The following TMEFF1 variants were observed in gnomAD, a reference collection of about 807,000 sequenced individuals.
TMEFF1 encodes transmembrane protein with EGF like and two follistatin like domains 1, also known as tomoregulin-1.
Under a neutral mutation model 47.5 loss-of-function variants are expected in TMEFF1, and 20 were observed. The observed-to-expected ratio is 0.42, with a 90% confidence interval of 0.30 to 0.61. The LOEUF (loss-of-function observed/expected upper bound fraction) is 0.61. Among genes scored for constraint, TMEFF1 ranks in the 20% least tolerant of loss-of-function variants. The probability of loss-of-function intolerance (pLI) is 0.19; values close to 1 mark genes in which losing one functional copy is unlikely to be tolerated. For missense variants in TMEFF1, 411 were observed against 471.1 expected, an observed-to-expected ratio of 0.87 and a Z score of 1.18; for synonymous variants, 162 against 166.3, an observed-to-expected ratio of 0.97 and a Z score of 0.20.
At chr9:100,493,168 G>A (rs1246737588) in intron 1 of TMEFF1, among the ~76,000 whole-genome samples, 2 of 151,962 alleles carry the variant, frequency 1.3e-5, no homozygotes, top group African/African-American at 2.4e-5. Flanking sequence ...AGTGGGCAGA[G>A]GCCAGGACTG....
At chr9:100,491,896 T>G (rs1451963821) in intron 1 of TMEFF1, among the ~76,000 whole-genome samples, 1 of 151,710 alleles carries the variant, frequency 6.6e-6, no homozygotes, top group African/African-American at 2.4e-5. Flanking sequence ...TTTTTTTTTT[T>G]TTGAGACAGA....
At chr9:100,520,547 A>G (rs990672361) in intron 5 of TMEFF1, among the ~76,000 whole-genome samples, 7 of 152,232 alleles carry the variant, frequency 4.6e-5, no homozygotes, top group Non-Finnish European at 8.8e-5. Flanking sequence ...TATTAAGAGA[A>G]GTGCTTTTTT....
chr9:100,541,375 CT>C (rs1220537806), intron 5 of TMEFF1, among the ~76,000 whole-genome samples: 115 of 97,622 alleles, frequency 1.2e-3, no homozygotes, highest in Admixed American at 1.4e-3. Flanking sequence ...TTCTTTCTTT[CT>C]TTTTTTTTTT....
chr9:100,563,398 A>G (rs1028343651), intron 8 of TMEFF1, among the ~76,000 whole-genome samples: 3 of 152,236 alleles, frequency 2.0e-5, no homozygotes, highest in Non-Finnish European at 4.4e-5. Context: ...AGAGAGGATC[A>G]TGTTCTGGTA....
intron 4 of TMEFF1, 58 bp downstream of exon 4, chr9:100,513,391 T>G: frequency 2.0e-6 from 3 of 1,528,736 alleles, no homozygotes; most frequent in South Asian, 1.3e-5. Context: ...TTCTTTCTTT[T>G]TCTTTTTTTT....
chr9:100,576,904 A>G lies in TMEFF1; in HGVS notation c.*304A>G, dbSNP rs1839363151. The G allele has an allele frequency of 9.6e-6, 2 of 208,806 alleles. No individual in the cohort carries two copies. The highest frequency in any genetic ancestry group is 1.9e-5 in the Non-Finnish European group (2 of 104,190). 12.9% of individuals were successfully genotyped at this position (208,806 alleles called of 1,614,324 possible). On this transcript the variant is annotated 3_prime_UTR_variant, in exon 10 of 10. Transcript: ENST00000374879. Reference sequence around the variant, plus strand: ...CTACTTCACAAATGGTTATAAAGTCATATCCACTTCTTCCACAATGACCAC... The same window carrying G: ...CTACTTCACAAATGGTTATAAAGTCGTATCCACTTCTTCCACAATGACCAC...
intron 1 of TMEFF1, among the ~76,000 whole-genome samples, chr9:100,481,327 C>T (rs1308497375): frequency 1.3e-5 from 2 of 152,120 alleles, no homozygotes; most frequent in African/African-American, 4.8e-5. Flanking sequence ...GTGTCTGGTA[C>T]GAAGTTAGGT....
chr9:100,487,291 G>A (rs1013754623), intron 1 of TMEFF1, among the ~76,000 whole-genome samples: 3 of 152,114 alleles, frequency 2.0e-5, no homozygotes, highest in Non-Finnish European at 2.9e-5. Flanking sequence ...AGCCACCTGA[G>A]TAGCTGGAAT....
rs55940754 is a variant in TMEFF1 at position 100,562,630 on chromosome 9, GTTTGTTTTGTTTTGT to G, written c.899+1140_899+1154del. 4.3e-3 allele frequency among the ~76,000 whole-genome samples: 612 copies of G among 142,450 alleles called. 3 individuals carry two copies. Among genetic ancestry groups the G allele is most frequent in the African/African-American group, 0.014 (524 of 38,162 alleles). The allele number at this position is 142,450 out of a possible 152,430, so 93.5% of individuals were successfully genotyped here. A position where few individuals can be genotyped will look rare whatever the true frequency, so the allele number is the denominator to read the frequency against. On this transcript the variant is annotated intron_variant, in intron 8 of 9. Transcript: ENST00000374879. ...GGTAACAGGCCAGGTTTTTTTTTTT[GTTTGTTTTGTTTTGT>G]TTTGTTTTGTTTTGTTTTGTTTTGT...
intron 8 of TMEFF1, among the ~76,000 whole-genome samples, chr9:100,565,017 T>C (rs1207109568): frequency 2.0e-5 from 3 of 152,060 alleles, no homozygotes; most frequent in East Asian, 3.9e-4. Flanking sequence ...GGGAAATGCA[T>C]TGGGAAGAGG....
chr9:100,504,928 G>A (rs1430394370), intron 2 of TMEFF1, among the ~76,000 whole-genome samples: 4 of 151,742 alleles, frequency 2.6e-5, no homozygotes, highest in South Asian at 2.1e-4. Context: ...AGAAATTCAC[G>A]GATAAATTAA....
intron 2 of TMEFF1, among the ~76,000 whole-genome samples, chr9:100,500,149 T>G (rs1173450030): frequency 6.6e-6 from 1 of 152,154 alleles, no homozygotes; most frequent in East Asian, 1.9e-4. Flanking sequence ...TCGGTGATAA[T>G]TTGAACTGTT....
Position 100,516,692 on chromosome 9 carries a change from G to A in TMEFF1, c.481G>A (p.Ala161Thr). 1 of 1,613,402 alleles carries A rather than the reference G, an allele frequency of 6.2e-7. No homozygotes were observed. Among genetic ancestry groups the A allele is most frequent in the Non-Finnish European group, 8.5e-7 (1 of 1,179,720 alleles). The change falls in exon 5 of 10, where the codon GCA becomes ACA. Residue 161 changes from alanine to threonine, a missense_variant. Physicochemically the swap from Ala to Thr is moderately conservative, Grantham distance 58 (BLOSUM62 0). Transcript: ENST00000374879. ...TTAAACAGAAGAGGAAGGGTCAGGG[G>A]CAGAAGTTCACAGAAAACACTCCAA... ...SGEGEEEGSGAEVHRKHSKCG... is the reference protein window; with the variant it reads ...SGEGEEEGSGTEVHRKHSKCG...
At chr9:100,490,867 GTGTGTATGTGTGTA>G (rs1396767278) in intron 1 of TMEFF1, among the ~76,000 whole-genome samples, 1 of 150,420 alleles carries the variant, frequency 6.6e-6, no homozygotes. Context: ...GTGTGTGTGT[GTGTGTATGTGTGTA>G]TGTGTGTATG....
intron 5 of TMEFF1, among the ~76,000 whole-genome samples, chr9:100,518,106 G>T (rs1838104325): frequency 6.6e-6 from 1 of 152,024 alleles, no homozygotes; most frequent in Non-Finnish European, 1.5e-5. Context: ...AATTTAAAAA[G>T]ATGGAGGTCT....
At chr9:100,482,158 GC>G in intron 1 of TMEFF1, among the ~76,000 whole-genome samples, 1 of 151,570 alleles carries the variant, frequency 6.6e-6, no homozygotes, top group Non-Finnish European at 1.5e-5. Flanking sequence ...CTATTTTTCT[GC>G]CGACTCTTCT....
intron 5 of TMEFF1, among the ~76,000 whole-genome samples, chr9:100,524,793 G>A (rs916784945): frequency 4.6e-5 from 7 of 152,086 alleles, no homozygotes; most frequent in East Asian, 1.9e-4. Context: ...TGTGCACAAC[G>A]TGCAGATTTG....
At chr9:100,561,297 G>C in intron 7 of TMEFF1, 100 bp from the exon 8 acceptor site, 1 of 1,520,494 alleles carries the variant, frequency 6.6e-7, no homozygotes, top group Non-Finnish European at 8.8e-7. Context: ...GTAGGTGGTT[G>C]ACAGTGGGTG....
At chr9:100,534,068 G>A (rs1398999035) in intron 5 of TMEFF1, among the ~76,000 whole-genome samples, 2 of 152,188 alleles carry the variant, frequency 1.3e-5, no homozygotes, top group African/African-American at 4.8e-5. Context: ...GAACCAGGAG[G>A]CTGTGTGGGG....
Sources: gnomAD v4.1 joint callset for allele counts (sites outside exome capture counted in the v4.1 genomes callset) on GRCh38, gnomAD v4.1.1 for gene constraint, MANE v1.5 for transcripts, NCBI Gene and HGNC (gene_info 2026-07-23, HGNC 2026-07-21) for gene names.